The following OGDHL variants were observed in gnomAD, a reference collection of about 807,000 sequenced individuals.
OGDHL encodes oxoglutarate dehydrogenase L.
Under a neutral mutation model 109.6 loss-of-function variants are expected in OGDHL, and 79 were observed. The ratio of observed to expected loss-of-function variants is 0.72; its 90% CI spans 0.60 to 0.87. The LOEUF (loss-of-function observed/expected upper bound fraction) is 0.87, where lower values mean the gene tolerates loss of function less well. Among genes scored for constraint, OGDHL ranks in the 40% least tolerant of loss-of-function variants. The pLI, the probability that OGDHL is intolerant of heterozygous loss-of-function variation, is 0.00. For missense variants in OGDHL, 1,275 were observed against 1,362.2 expected (o/e 0.94, Z 1.01); for synonymous variants, 528 against 537.2 (o/e 0.98, Z 0.24).
rs1429534562 is a variant in OGDHL, at chr10:49,741,704, CCAAA to C, written c.2013-871_2013-868del. ...ACACACACATACACATCCCCACACA[CCAAA>C]CACATACATACACACACACCACACA... is the stretch of plus-strand genomic sequence containing the variant. On this transcript the variant is annotated intron_variant, in intron 15 of 22. Transcript: ENST00000374103. Among the ~76,000 whole-genome samples the C allele has an allele frequency of 1.3e-4, 19 of 148,154 alleles. No homozygotes were observed. In the South Asian group the frequency reaches 2.8e-3, roughly 22 times the overall value.
chr10:49,742,587 G>C (rs984990937), intron 15 of OGDHL, among the ~76,000 whole-genome samples: 1 of 131,200 alleles, frequency 7.6e-6, no homozygotes, highest in African/African-American at 2.9e-5. Context: ...ACACACACAT[G>C]ATCCTGAGGA....
chr10:49,759,492 G>C (rs1054318205), intron 1 of OGDHL, among the ~76,000 whole-genome samples: 1 of 149,276 alleles, frequency 6.7e-6, no homozygotes, highest in Admixed American at 6.7e-5. Flanking sequence ...AGTGATGGGG[G>C]CTTTCTCTAT....
chr10:49,756,864 T>C lies in OGDHL; in HGVS notation c.287A>G (p.Glu96Gly). The C allele has an allele frequency of 6.2e-7, 1 of 1,614,132 alleles. No homozygotes were observed. The highest frequency in any genetic ancestry group is 1.1e-5 in the South Asian group (1 of 91,060). ...AQPRPPSVVH[E>G]SRSAVSSRTK... ...CCGACTTGAGACTGCAGACCTGCTCTCATGGACAACAGAAGGGGGCCGTGG... is the reference window on the plus strand; with the variant it reads ...CCGACTTGAGACTGCAGACCTGCTCCCATGGACAACAGAAGGGGGCCGTGG... Residue 96 changes from glutamate to glycine, a missense_variant, in exon 3 of 23, where the codon GAG (glutamate) becomes GGG (glycine). Glu to Gly is a moderately conservative substitution (Grantham distance 98). Coordinates refer to ENST00000374103, the MANE Select transcript of OGDHL (RefSeq NM_018245.3).
chr10:49,753,959 C>A (rs1022867391), intron 3 of OGDHL, among the ~76,000 whole-genome samples: 1 of 145,406 alleles, frequency 6.9e-6, no homozygotes, highest in Non-Finnish European at 1.5e-5. Context: ...GGAAATCAAA[C>A]AAGCCATTGT....
chr10:49,752,024 G>T, intron 5 of OGDHL, 43 bp from the exon 6 acceptor site: 1 of 1,612,932 alleles, frequency 6.2e-7, no homozygotes, highest in Non-Finnish European at 8.5e-7. Flanking sequence ...GGGGAAGAGG[G>T]ACGGCTGACA....
intron 8 of OGDHL, among the ~76,000 whole-genome samples, chr10:49,749,069 C>T (rs908243983): frequency 2.6e-5 from 4 of 152,058 alleles, no homozygotes; most frequent in Non-Finnish European, 5.9e-5. Flanking sequence ...ATTAGCCGGG[C>T]GTGGTGGCGC....
chr10:49,751,243 G>T (rs578106249), intron 6 of OGDHL, among the ~76,000 whole-genome samples: 2 of 152,038 alleles, frequency 1.3e-5, no homozygotes, highest in East Asian at 3.9e-4. Flanking sequence ...CCCAGCTGCC[G>T]CCCTCTCTCT....
At position 49,737,993 on chromosome 10, in the gene OGDHL, T is replaced by C. The variant is rs1564523102; in HGVS notation, c.2471A>G (p.Tyr824Cys). 3.1e-6 allele frequency: 5 copies of C among 1,613,904 alleles called. No homozygotes were observed. The highest frequency in any genetic ancestry group is 4.2e-6 in the Non-Finnish European group (5 of 1,180,000). ...IVVNCSTPAN[Y>C]FHVLRRQILL... ...GATCTGCCGGCGCAGCACGTGGAAG[T>C]AGTTGGCCGGTGTGGAGCAGTTGAC... The change falls in exon 19 of 23, where the codon TAC becomes TGC. Residue 824 changes from tyrosine to cysteine, a missense_variant. By Grantham distance (194) the Tyr-to-Cys change is radical. Transcript: ENST00000374103.
Position 49,736,375 on chromosome 10 carries a change from G to A in OGDHL, c.2736C>T (p.Ala912=), listed in dbSNP as rs758738936. ...GGCACACCTGCTCCAGGCGCGTGAT[G>A]GCCACTTTCTCCTCCAGGTCCTGGC... The part of the protein sequence containing the change: ...RSSQDLEEKV[A]ITRLEQISPF... The change falls in exon 21 of 23, where the codon GCC becomes GCT. Residue 912 remains alanine, a synonymous_variant. Transcript: ENST00000374103. The A allele has an allele frequency of 1.9e-6, 3 of 1,614,024 alleles. No individual in the cohort carries two copies. In the Admixed American group the frequency reaches 5.0e-5, roughly 27 times the overall value.
In OGDHL at chr10:49,745,874, G is replaced by C; in HGVS notation, c.1400C>G (p.Pro467Arg). ...ACTGCACACATATATCACAGCCTCT[G>C]GGTCATCGGCATTCACATGGAAGAT... ...APIFHVNADD[P>R]EAVIYVCSVA... Residue 467 changes from proline to arginine, a missense_variant, in exon 11 of 23, where the codon CCA becomes CGA. Transcript: ENST00000374103. 6.2e-7 allele frequency: 1 copy of C among 1,614,176 alleles called. No homozygotes were observed. The highest frequency in any genetic ancestry group is 8.5e-7 in the Non-Finnish European group (1 of 1,180,036).
intron 12 of OGDHL, 61 bp downstream of exon 12, chr10:49,745,283 C>T: frequency 6.3e-7 from 1 of 1,591,236 alleles, no homozygotes; most frequent in Non-Finnish European, 8.6e-7. Context: ...ACATCTACAA[C>T]CCCTCTCCAG....
In OGDHL at chr10:49,756,901, C is replaced by T. The variant is rs778447700; in HGVS notation, c.250G>A (p.Gly84Ser). The T allele has an allele frequency of 8.1e-6, 13 of 1,613,678 alleles. No homozygotes were observed. The highest frequency in any genetic ancestry group is 1.1e-5 in the Non-Finnish European group (13 of 1,179,866). ...FREASEEAFS[G>S]SAQPRPPSVV... Reference sequence around the variant, plus strand: ...GAAGGGGGCCGTGGCTGAGCAGAGCCAGAAAAGGCTTCCTCGCTGGCTTCC... The same window carrying T: ...GAAGGGGGCCGTGGCTGAGCAGAGCTAGAAAAGGCTTCCTCGCTGGCTTCC... The change falls in exon 3 of 23, where the codon GGC becomes AGC. Residue 84 changes from glycine to serine, a missense_variant. Transcript: ENST00000374103.
At position 49,739,846 on chromosome 10, in the gene OGDHL, A is replaced by G. The variant is rs200631758; in HGVS notation, c.2141-7T>C. The G allele has an allele frequency of 6.8e-6, 11 of 1,610,520 alleles. No homozygotes were observed. The South Asian group carries it at 8.8e-5, about 13-fold the overall frequency. Reference sequence around the variant, plus strand: ...GCATAGCCCAGCTCAAAGCCTAAACAGAAGACAAGATAGAGCTTGCTGCAC... The same window carrying G: ...GCATAGCCCAGCTCAAAGCCTAAACGGAAGACAAGATAGAGCTTGCTGCAC... On this transcript the variant is annotated splice_region_variant and splice_polypyrimidine_tract_variant and intron_variant, in intron 16 of 22. Transcript: ENST00000374103.
intron 8 of OGDHL, among the ~76,000 whole-genome samples, chr10:49,749,276 G>C (rs919302522): frequency 6.6e-6 from 1 of 152,072 alleles, no homozygotes; most frequent in African/African-American, 2.4e-5. Context: ...CTCCCAGGGA[G>C]GGGGTGGGAG....
intron 15 of OGDHL, among the ~76,000 whole-genome samples, chr10:49,741,929 ACAC>A (rs1194962642): frequency 2.7e-5 from 4 of 146,458 alleles, no homozygotes; most frequent in East Asian, 2.1e-4. Context: ...CACAGACTAC[ACAC>A]CACAAACACA....
At chr10:49,736,319 T>C in intron 21 of OGDHL, 38 bp downstream of exon 21, 1 of 1,610,492 alleles carries the variant, frequency 6.2e-7, no homozygotes, top group Non-Finnish European at 8.5e-7. Flanking sequence ...CGACGTGAGC[T>C]TGCCCATCAC....
intron 2 of OGDHL, among the ~76,000 whole-genome samples, chr10:49,757,827 A>G (rs910373931): frequency 6.6e-6 from 1 of 152,222 alleles, no homozygotes; most frequent in Non-Finnish European, 1.5e-5. Flanking sequence ...AAGTTTACCT[A>G]ATGCAAGTCT....
rs150963798 is a variant in OGDHL at position 49,744,495 on chromosome 10, A to T, written c.1732+155T>A. Reference sequence around the variant, plus strand: ...GGCAATGCTATCCTTGACTTGCAGGAATCGGCCCCACGCAGCTTTGGGGAC... The same window carrying T: ...GGCAATGCTATCCTTGACTTGCAGGTATCGGCCCCACGCAGCTTTGGGGAC... On this transcript the variant is annotated intron_variant, in intron 13 of 22. Transcript: ENST00000374103. Among the ~76,000 whole-genome samples, 468 of 152,272 alleles carry T rather than the reference A, an allele frequency of 3.1e-3. 3 individuals are homozygous for T. The highest frequency in any genetic ancestry group is 0.01 in the African/African-American group (421 of 41,552).
rs1288716551 is a variant in OGDHL, at chr10:49,739,643, C to T, written c.2319+18G>A. The T allele has an allele frequency of 2.5e-6, 4 of 1,608,298 alleles. No homozygotes were observed. Among genetic ancestry groups the T allele is most frequent in the South Asian group, 1.1e-5 (1 of 90,108 alleles). On this transcript the variant is annotated intron_variant, in intron 17 of 22. Transcript: ENST00000374103. ...CGCCAGAACCCACCAAGCCACCAGC[C>T]ACCACCGCAGCCCTCACCATGCCTT...
Sources: gnomAD v4.1 joint callset for allele counts (sites outside exome capture counted in the v4.1 genomes callset) on GRCh38, gnomAD v4.1.1 for gene constraint, MANE v1.5 for transcripts, NCBI Gene and HGNC (gene_info 2026-07-23, HGNC 2026-07-21) for gene names.